The following RGS6 variants were observed in gnomAD, a reference collection of about 807,000 sequenced individuals.
RGS6 encodes regulator of G-protein signaling 6.
In RGS6, 30 loss-of-function variants were observed where a neutral mutation model predicts 78.5. The observed-to-expected ratio is 0.38, with a 90% CI of 0.29 to 0.52. The LOEUF is 0.52. RGS6 is among the 20% of genes least tolerant of loss of function. RGS6 has a pLI of 0.85. For missense variants in RGS6, 495 were observed against 609.7 expected (o/e 0.81, Z 1.98); for synonymous variants, 206 against 206.0 (o/e 1.00, Z 0.00).
the RGS6 span, among the ~76,000 whole-genome samples, chr14:71,869,054 C>T: frequency 6.6e-6 from 1 of 152,150 alleles, no homozygotes; most frequent in Non-Finnish European, 1.5e-5. Context: ...TCTGCCTCAC[C>T]CCTCTTTTTG....
chr14:72,165,849 C>T (rs1217449114), intron 2 of RGS6, among the ~76,000 whole-genome samples: 1 of 152,048 alleles, frequency 6.6e-6, no homozygotes, highest in Non-Finnish European at 1.5e-5. Context: ...GTTTATTCTG[C>T]AAGTTAAAAC....
At chr14:72,335,012 A>G (rs755868617) in intron 2 of RGS6, among the ~76,000 whole-genome samples, 9 of 151,980 alleles carry the variant, frequency 5.9e-5, no homozygotes, top group Non-Finnish European at 1.0e-4. Flanking sequence ...GAGGTAATTG[A>G]ATCATGGGGG....
chr14:72,064,226 T>C (rs2094026643), intron 2 of RGS6, among the ~76,000 whole-genome samples: 1 of 151,598 alleles, frequency 6.6e-6, no homozygotes, highest in South Asian at 2.1e-4. Flanking sequence ...TAGACCAGGC[T>C]GAAGGAGGTG....
At chr14:72,370,821 A>G (rs953278160) in intron 3 of RGS6, among the ~76,000 whole-genome samples, 1 of 152,236 alleles carries the variant, frequency 6.6e-6, no homozygotes, top group South Asian at 2.1e-4. Context: ...ATATTTCACA[A>G]TAAAAATAGC....
chr14:72,234,928 AGAG>A (rs2050621161), intron 2 of RGS6, among the ~76,000 whole-genome samples: 1 of 152,112 alleles, frequency 6.6e-6, no homozygotes, highest in East Asian at 1.9e-4. Context: ...GGGGAAGAAA[AGAG>A]GAGAGGCACC....
chr14:71,894,468 G>A, the RGS6 span, among the ~76,000 whole-genome samples: 4,124 of 152,296 alleles, frequency 0.027, 196 homozygotes, highest in African/African-American at 0.094. Flanking sequence ...GAGGGTGGAT[G>A]CGTGCCTCCT....
intron 17 of RGS6, chr14:72,541,169 T>A: frequency 7.2e-7 from 1 of 1,381,982 alleles, no homozygotes; most frequent in Non-Finnish European, 9.6e-7. Flanking sequence ...AGCCCATTGA[T>A]ATTGACTTGC....
At chr14:72,537,598 T>C in intron 16 of RGS6, 2 of 702,188 alleles carry the variant, frequency 2.8e-6, no homozygotes, top group Non-Finnish European at 5.2e-6. Flanking sequence ...AGGGGCTCCT[T>C]TGGAGGAGGC....
chr14:72,384,651 A>G (rs2087286794), intron 3 of RGS6, among the ~76,000 whole-genome samples: 2 of 152,194 alleles, frequency 1.3e-5, no homozygotes, highest in Admixed American at 1.3e-4. Context: ...CAGTTCCCCG[A>G]GTGTCAGTAG....
At chr14:71,931,950 C>A (rs972163898), upstream of RGS6, among the ~76,000 whole-genome samples, 2 of 152,212 alleles carry the variant, frequency 1.3e-5, no homozygotes, top group African/African-American at 4.8e-5. Flanking sequence ...AACAATATCG[C>A]TGACGGTCGC....
chr14:72,053,981 G>A (rs771570010), intron 2 of RGS6, among the ~76,000 whole-genome samples: 24 of 152,182 alleles, frequency 1.6e-4, no homozygotes, highest in Non-Finnish European at 1.2e-4. Flanking sequence ...AGATAAGACC[G>A]AATGGTTGAG....
chr14:72,106,485 C>T (rs2095635520), intron 2 of RGS6, among the ~76,000 whole-genome samples: 1 of 152,138 alleles, frequency 6.6e-6, no homozygotes, highest in South Asian at 2.1e-4. Flanking sequence ...CACTTTGAAA[C>T]CAGCACCTAG....
chr14:72,288,015 C>T (rs1397143640), intron 2 of RGS6, among the ~76,000 whole-genome samples: 1 of 152,154 alleles, frequency 6.6e-6, no homozygotes, highest in Non-Finnish European at 1.5e-5. Flanking sequence ...AGACTTTTTA[C>T]ATCTATGTTC....
chr14:72,143,195 C>T (rs1221337950), intron 2 of RGS6, among the ~76,000 whole-genome samples: 3 of 152,112 alleles, frequency 2.0e-5, no homozygotes, highest in African/African-American at 2.4e-5. Flanking sequence ...TGACAAAACC[C>T]CATCTCTACT....
intron 2 of RGS6, among the ~76,000 whole-genome samples, chr14:72,254,504 T>C (rs1351260070): frequency 6.6e-6 from 1 of 152,110 alleles, no homozygotes; most frequent in African/African-American, 2.4e-5. Flanking sequence ...ACAGTCCCTG[T>C]TCTTCTCCTA....
chr14:72,364,157 TA>T (rs2082048154), intron 3 of RGS6, among the ~76,000 whole-genome samples: 1 of 152,118 alleles, frequency 6.6e-6, no homozygotes, highest in African/African-American at 2.4e-5. Context: ...AATCACTAGC[TA>T]GTGTCTATTG....
intron 2 of RGS6, among the ~76,000 whole-genome samples, chr14:72,224,827 G>A (rs1056962677): frequency 2.6e-5 from 4 of 152,060 alleles, no homozygotes; most frequent in African/African-American, 4.8e-5. Flanking sequence ...CCAGCCTGCT[G>A]CTTCACAAAG....
intron 2 of RGS6, among the ~76,000 whole-genome samples, chr14:72,055,693 G>A (rs187684257): frequency 6.6e-5 from 10 of 152,196 alleles, no homozygotes; most frequent in African/African-American, 2.2e-4. Flanking sequence ...CTAACGTGCA[G>A]TCAAGGTTGA....
chr14:71,982,161 C>T (rs887874005), intron 2 of RGS6, among the ~76,000 whole-genome samples: 40 of 152,090 alleles, frequency 2.6e-4, no homozygotes, highest in African/African-American at 9.4e-4. Context: ...ATGGTGCGTG[C>T]ACCCACTGAC....
Sources: allele counts gnomAD v4.1 joint callset (sites outside exome capture counted in the v4.1 genomes callset), GRCh38; gene constraint gnomAD v4.1.1; transcripts MANE v1.5; gene names NCBI Gene and HGNC (gene_info 2026-07-23, HGNC 2026-07-21).